Variants in MTAP observed in about 807,000 individuals in gnomAD.
MTAP encodes the protein S-methyl-5'-thioadenosine phosphorylase.
Under a neutral mutation model 33.6 loss-of-function variants are expected in MTAP, and 33 were observed. That is an observed-to-expected ratio of 0.98 (90% CI 0.74 to 1.31). The LOEUF (loss-of-function observed/expected upper bound fraction) is 1.31. Among genes scored for constraint, MTAP ranks in the 40% most tolerant of loss-of-function variants. The pLI is 0.00. For missense variants in MTAP, 367 were observed against 360.0 expected (o/e 1.02, Z -0.16); for synonymous variants, 148 against 125.7 (o/e 1.18, Z -1.19).
intron 4 of MTAP, among the ~76,000 whole-genome samples, chr9:21,827,376 T>A (rs971432037): frequency 7.2e-5 from 11 of 152,230 alleles, no homozygotes; most frequent in Non-Finnish European, 1.6e-4. Flanking sequence ...TCCAGGCCAC[T>A]GTGGCTTCTG....
At chr9:21,836,594 C>A (rs1825113360) in intron 4 of MTAP, among the ~76,000 whole-genome samples, 1 of 152,176 alleles carries the variant, frequency 6.6e-6, no homozygotes, top group South Asian at 2.1e-4. Context: ...GTACGTGTCA[C>A]CGTTTTATTG....
rs112810515 is a variant in MTAP, at chr9:21,872,100, G to T, written c.147+17230G>T. Among the ~76,000 whole-genome samples, 23 of 152,266 alleles carry T rather than the reference G, an allele frequency of 1.5e-4. 1 individual carries two copies. Among genetic ancestry groups the T allele is most frequent in the African/African-American group, 5.3e-4 (22 of 41,548 alleles). On this transcript the variant is annotated intron_variant, in intron 1 of 1. Coordinates refer to the MTAP transcript ENST00000577563. ...GGAGGCTGAGGCTAGATCACTTGAG[G>T]TCAGGAGTTGAACACCAGCCTGGCC...
At chr9:21,841,628 C>T (rs1825246832) in intron 5 of MTAP, among the ~76,000 whole-genome samples, 1 of 152,220 alleles carries the variant, frequency 6.6e-6, no homozygotes, top group African/African-American at 2.4e-5. Context: ...CCCCCAGCAA[C>T]AGCCCAGAGC....
chr9:21,854,234 G>A (rs779910421), intron 5 of MTAP, among the ~76,000 whole-genome samples: 9 of 152,200 alleles, frequency 5.9e-5, no homozygotes, highest in Non-Finnish European at 8.8e-5. Flanking sequence ...GAAGATAAGC[G>A]ACGAGAGGCA....
chr9:21,929,929 T>C (rs1818929638), intron 1 of MTAP: 1 of 414,764 alleles, frequency 2.4e-6, no homozygotes. Context: ...AACAGACTGA[T>C]GGAACATACA....
chr9:21,871,944 G>A (rs1825943991), downstream of MTAP, among the ~76,000 whole-genome samples: 2 of 152,194 alleles, frequency 1.3e-5, no homozygotes, highest in Admixed American at 1.3e-4. Flanking sequence ...TCAGTCTTAT[G>A]TCTGGTGATT....
At chr9:21,823,073 T>C (rs1824687967) in intron 4 of MTAP, among the ~76,000 whole-genome samples, 1 of 152,224 alleles carries the variant, frequency 6.6e-6, no homozygotes, top group Admixed American at 6.5e-5. Context: ...GGGTCTTGAC[T>C]CTTTATCCAA....
chr9:21,852,176 T>G (rs1825528977), intron 5 of MTAP, among the ~76,000 whole-genome samples: 1 of 152,126 alleles, frequency 6.6e-6, no homozygotes, highest in Non-Finnish European at 1.5e-5. Flanking sequence ...TCCTCATTTG[T>G]AAGTGGGAGC....
At chr9:21,841,855 A>C (rs1293303849) in intron 5 of MTAP, among the ~76,000 whole-genome samples, 1 of 152,236 alleles carries the variant, frequency 6.6e-6, no homozygotes, top group African/African-American at 2.4e-5. Flanking sequence ...TTCTGGTAAT[A>C]TGACAAAATG....
intron 1 of MTAP, among the ~76,000 whole-genome samples, chr9:21,884,334 A>T (rs1184013891): frequency 1.3e-5 from 2 of 152,202 alleles, no homozygotes; most frequent in African/African-American, 2.4e-5. Flanking sequence ...GAATGGATAA[A>T]TGATTGTGGT....
At chr9:21,916,155 G>C (rs1371002096) in intron 1 of MTAP, among the ~76,000 whole-genome samples, 10 of 151,068 alleles carry the variant, frequency 6.6e-5, no homozygotes, top group Non-Finnish European at 2.9e-5. Context: ...CTAGTTAAAA[G>C]TTTGTACTTG....
At chr9:21,813,110 G>A (rs1312553406) in intron 1 of MTAP, among the ~76,000 whole-genome samples, 1 of 152,150 alleles carries the variant, frequency 6.6e-6, no homozygotes, top group Non-Finnish European at 1.5e-5. Flanking sequence ...GATAGAATTG[G>A]GCCATCAGTG....
At chr9:21,925,930 G>T (rs992539946) in intron 1 of MTAP, among the ~76,000 whole-genome samples, 4 of 152,176 alleles carry the variant, frequency 2.6e-5, no homozygotes, top group African/African-American at 9.6e-5. Context: ...TAACCCAAAG[G>T]TTCACTCCTC....
At chr9:21,884,552 T>C (rs961724414) in intron 1 of MTAP, among the ~76,000 whole-genome samples, 4 of 152,238 alleles carry the variant, frequency 2.6e-5, no homozygotes, top group African/African-American at 9.6e-5. Flanking sequence ...CTCACAGTTC[T>C]AAAGGCTGGG....
intron 1 of MTAP, among the ~76,000 whole-genome samples, chr9:21,805,660 C>T (rs1021908240): frequency 2.6e-5 from 4 of 152,144 alleles, no homozygotes; most frequent in East Asian, 3.9e-4. Context: ...GGAAGCAGTG[C>T]CCTTACAAAA....
intron 4 of MTAP, among the ~76,000 whole-genome samples, chr9:21,824,812 C>A (rs1452839672): frequency 6.6e-6 from 1 of 152,158 alleles, no homozygotes; most frequent in Non-Finnish European, 1.5e-5. Flanking sequence ...GGGCGCCCAT[C>A]CCCCAGCCTT....
chr9:21,910,063 T>A (rs182382473), intron 1 of MTAP, among the ~76,000 whole-genome samples: 1 of 152,166 alleles, frequency 6.6e-6, no homozygotes, highest in Non-Finnish European at 1.5e-5. Flanking sequence ...ATGTCAACTT[T>A]TAAGTATTCA....
chr9:21,918,919 C>T (rs1818739537), intron 1 of MTAP, among the ~76,000 whole-genome samples: 1 of 152,078 alleles, frequency 6.6e-6, no homozygotes, highest in Non-Finnish European at 1.5e-5. Context: ...AGCGTGAGAA[C>T]AGACTAATAA....
intron 1 of MTAP, among the ~76,000 whole-genome samples, chr9:21,910,855 C>T (rs925861970): frequency 3.3e-5 from 5 of 152,116 alleles, no homozygotes; most frequent in Non-Finnish European, 4.4e-5. Context: ...CCGCATCCCC[C>T]AGCCTTTGGA....
Sources: allele counts gnomAD v4.1 joint callset (sites outside exome capture counted in the v4.1 genomes callset), GRCh38; gene constraint gnomAD v4.1.1; transcripts MANE v1.5; gene names NCBI Gene and HGNC (gene_info 2026-07-23, HGNC 2026-07-21).